Variants in HS1BP3 observed in about 807,000 individuals in gnomAD.
HS1BP3 encodes HCLS1-binding protein 3.
Under a neutral mutation model 33.5 loss-of-function variants are expected in HS1BP3, and 32 were observed. The ratio of observed to expected loss-of-function variants is 0.95; its 90% CI spans 0.72 to 1.28. HS1BP3 has a LOEUF of 1.28. HS1BP3 is among the 50% of genes most tolerant of loss of function. HS1BP3 has a pLI of 0.00. For synonymous variants in HS1BP3, 187 were observed against 209.2 expected (o/e 0.89, Z 0.92); for missense variants, 486 against 502.3 (o/e 0.97, Z 0.31).
chr2:20,631,818 T>C (rs769592739), intron 4 of HS1BP3, among the ~76,000 whole-genome samples: 1 of 152,124 alleles, frequency 6.6e-6, no homozygotes, highest in Non-Finnish European at 1.5e-5. Context: ...TGCAGGTCTC[T>C]GCAGCCTACA....
intron 2 of HS1BP3, chr2:20,606,215 A>T: frequency 4.8e-6 from 1 of 208,308 alleles, no homozygotes. Context: ...TTCACTGAGC[A>T]TATTTTCTTT....
intron 4 of HS1BP3, among the ~76,000 whole-genome samples, chr2:20,634,047 G>A (rs577337157): frequency 6.6e-6 from 1 of 152,216 alleles, no homozygotes. Context: ...GCCCCCACAT[G>A]AACCCCAGGA....
intron 5 of HS1BP3, among the ~76,000 whole-genome samples, chr2:20,566,257 C>G (rs1020260311): frequency 6.6e-6 from 1 of 152,252 alleles, no homozygotes; most frequent in Non-Finnish European, 1.5e-5. Context: ...CCATCTCCCC[C>G]GCCTGTGCCG....
intron 2 of HS1BP3, among the ~76,000 whole-genome samples, chr2:20,600,014 G>A (rs1272106414): frequency 6.6e-6 from 1 of 152,144 alleles, no homozygotes; most frequent in African/African-American, 2.4e-5. Context: ...AGTGGTCCCA[G>A]GGGGACCCCT....
At chr2:20,597,006 T>A (rs1444478388) in intron 3 of HS1BP3, among the ~76,000 whole-genome samples, 1 of 152,188 alleles carries the variant, frequency 6.6e-6, no homozygotes, top group East Asian at 1.9e-4. Flanking sequence ...TAAGGCCACA[T>A]AAAAGGCCTG....
chr2:20,615,369 G>A (rs908307295), downstream of HS1BP3, among the ~76,000 whole-genome samples: 5 of 152,202 alleles, frequency 3.3e-5, no homozygotes, highest in South Asian at 2.1e-4. Context: ...CTCCTCCACC[G>A]GCCCCTGGAT....
In HS1BP3 at chr2:20,632,151, C is replaced by T. The variant is rs377114678; in HGVS notation, c.623+6285G>A. On this transcript the variant is annotated intron_variant, in intron 4 of 6. Transcript: ENST00000304031. Reference sequence around the variant, plus strand: ...CCCCATGCCAATAACCTCCAATCAGCGTGTATCTGAGCCTTCCCTTTCATC... The same window carrying T: ...CCCCATGCCAATAACCTCCAATCAGTGTGTATCTGAGCCTTCCCTTTCATC... Among the ~76,000 whole-genome samples the T allele has an allele frequency of 4.2e-4, 64 of 152,342 alleles. No individual in the cohort carries two copies. The South Asian group carries it at 0.013, about 31-fold the overall frequency.
chr2:20,605,169 G>A (rs1014674126), intron 2 of HS1BP3, among the ~76,000 whole-genome samples: 1 of 152,180 alleles, frequency 6.6e-6, no homozygotes, highest in African/African-American at 2.4e-5. Context: ...TTATTCACAG[G>A]AAGTGCACAA....
intron 5 of HS1BP3, among the ~76,000 whole-genome samples, chr2:20,574,826 C>T (rs957191970): frequency 2.0e-5 from 3 of 152,186 alleles, no homozygotes; most frequent in Non-Finnish European, 2.9e-5. Context: ...AGCAGATCCA[C>T]TGAACTGAGC....
At chr2:20,570,650 G>A (rs1693244187) in intron 5 of HS1BP3, among the ~76,000 whole-genome samples, 1 of 152,218 alleles carries the variant, frequency 6.6e-6, no homozygotes, top group Non-Finnish European at 1.5e-5. Context: ...TACCCAGGCT[G>A]ACAGAGCAAG....
intron 5 of HS1BP3, chr2:20,586,828 A>G (rs999312452): frequency 1.3e-5 from 2 of 152,264 alleles, no homozygotes; most frequent in Non-Finnish European, 2.9e-5. Flanking sequence ...CGGCTTAATA[A>G]GTATGAACAT....
chr2:20,618,949 C>A lies in HS1BP3; in HGVS notation c.*38G>T. 6.3e-7 allele frequency: 1 copy of A among 1,593,148 alleles called. No homozygotes were observed. ...CCTTCCCTTCACACCGATGTCCCCA[C>A]AGACAGGCCTGCTGGGCCAGGGGCC... On this transcript the variant is annotated 3_prime_UTR_variant, in exon 7 of 7. Transcript: ENST00000304031.
At chr2:20,580,273 C>G (rs1242571699) in intron 5 of HS1BP3, among the ~76,000 whole-genome samples, 1 of 152,242 alleles carries the variant, frequency 6.6e-6, no homozygotes, top group Admixed American at 6.5e-5. Flanking sequence ...AATCCTAGCA[C>G]TTTGGGAGGC....
chr2:20,598,229 G>T (rs538612613), exon 3 of HS1BP3: 68 of 418,284 alleles, frequency 1.6e-4, no homozygotes, highest in Admixed American at 9.7e-4. Context: ...ATCAGTGGGA[G>T]CCCTGAGCTT....
chr2:20,555,531 T>G (rs534793296), downstream of HS1BP3, among the ~76,000 whole-genome samples: 3 of 152,234 alleles, frequency 2.0e-5, no homozygotes, highest in South Asian at 6.2e-4. Flanking sequence ...TAGCATCAGG[T>G]ACCTTCACAT....
intron 2 of HS1BP3, among the ~76,000 whole-genome samples, chr2:20,598,762 T>G (rs1476624120): frequency 6.6e-6 from 1 of 151,610 alleles, no homozygotes; most frequent in Non-Finnish European, 1.5e-5. Context: ...GTTTCACTGT[T>G]TTAGCCGGGA....
chr2:20,595,003 A>T lies in HS1BP3; in HGVS notation c.*13-2209T>A, dbSNP rs116486387. On this transcript the variant is annotated intron_variant, in intron 3 of 3. Coordinates refer to the HS1BP3 transcript ENST00000415264. Reference sequence around the variant, plus strand: ...TTTCAACATACACGTTGTCGGGAGTAAAAAAACACTCAGATCATAGCATCT... The same window carrying T: ...TTTCAACATACACGTTGTCGGGAGTTAAAAAACACTCAGATCATAGCATCT... Among the ~76,000 whole-genome samples, 1,477 of 152,170 alleles carry T rather than the reference A, an allele frequency of 9.7e-3. 13 individuals are homozygous for T. The highest frequency in any genetic ancestry group is 0.017 in the Non-Finnish European group (1,135 of 67,988).
intron 5 of HS1BP3, among the ~76,000 whole-genome samples, chr2:20,575,326 A>C (rs889328772): frequency 1.3e-5 from 2 of 152,246 alleles, no homozygotes; most frequent in Middle Eastern, 3.2e-3. Context: ...CAGGAAGGCC[A>C]GAGACACATA....
chr2:20,558,883 G>C (rs1288620033), downstream of HS1BP3, among the ~76,000 whole-genome samples: 1 of 152,222 alleles, frequency 6.6e-6, no homozygotes, highest in Non-Finnish European at 1.5e-5. Context: ...TCACATCTCA[G>C]GGGCAGGTCT....
Sources: allele counts gnomAD v4.1 joint callset (sites outside exome capture counted in the v4.1 genomes callset), GRCh38; gene constraint gnomAD v4.1.1; transcripts MANE v1.5; gene names NCBI Gene and HGNC (gene_info 2026-07-23, HGNC 2026-07-21).